The following CACNA2D3 variants were observed in gnomAD, a reference collection of about 807,000 sequenced individuals.
The protein encoded by CACNA2D3 is calcium voltage-gated channel auxiliary subunit alpha2delta 3.
A neutral mutation model predicts 160.6 loss-of-function variants in CACNA2D3; 60 were observed. That is an observed-to-expected ratio of 0.37 (90% confidence interval 0.30 to 0.46). CACNA2D3 has a LOEUF of 0.46. Among genes scored for constraint, CACNA2D3 ranks in the 20% least tolerant of loss-of-function variants. The probability of loss-of-function intolerance (pLI) is 1.00; values close to 1 mark genes in which losing one functional copy is unlikely to be tolerated. For synonymous variants in CACNA2D3, 558 were observed against 492.9 expected (o/e 1.13, Z -1.75); for missense variants, 1,205 against 1,365.0 (o/e 0.88, Z 1.85).
intron 13 of CACNA2D3, among the ~76,000 whole-genome samples, chr3:54,775,667 A>C (rs1041018806): frequency 6.6e-6 from 1 of 152,214 alleles, no homozygotes. Flanking sequence ...CAAAAATCAA[A>C]TTGAGAAAGT....
intron 31 of CACNA2D3, among the ~76,000 whole-genome samples, chr3:54,998,127 C>CTTT (rs752805359): frequency 1.3e-4 from 17 of 126,956 alleles, no homozygotes; most frequent in South Asian, 2.6e-4. Context: ...TCAATTAATT[C>CTTT]TTTTTTTTTT....
At chr3:54,566,644 G>C (rs1350608714) in intron 6 of CACNA2D3, among the ~76,000 whole-genome samples, 1 of 152,212 alleles carries the variant, frequency 6.6e-6, no homozygotes, top group African/African-American at 2.4e-5. Context: ...CAGGACATCA[G>C]TTAGGTTCAT....
chr3:54,965,016 A>G (rs1702116876), intron 27 of CACNA2D3, among the ~76,000 whole-genome samples: 1 of 152,104 alleles, frequency 6.6e-6, no homozygotes, highest in African/African-American at 2.4e-5. Flanking sequence ...CCACTTCGAT[A>G]CTAAAGACCT....
At chr3:54,306,919 A>T (rs1703615448) in intron 2 of CACNA2D3, among the ~76,000 whole-genome samples, 2 of 152,200 alleles carry the variant, frequency 1.3e-5, no homozygotes, top group East Asian at 3.9e-4. Context: ...ATAAAAACAC[A>T]GATTTCTGGC....
At chr3:54,940,282 T>G (rs1701434239) in intron 27 of CACNA2D3, among the ~76,000 whole-genome samples, 1 of 152,212 alleles carries the variant, frequency 6.6e-6, no homozygotes, top group South Asian at 2.1e-4. Context: ...GAAAGGAAGA[T>G]TTTTGAGTCA....
intron 11 of CACNA2D3, among the ~76,000 whole-genome samples, chr3:54,684,753 G>A (rs924355237): frequency 1.8e-4 from 8 of 44,536 alleles, no homozygotes; most frequent in African/African-American, 3.0e-4. Context: ...CGTTTGTCAT[G>A]TTAAAAAAAA....
At chr3:54,795,842 A>G (rs1056040016) in intron 13 of CACNA2D3, among the ~76,000 whole-genome samples, 2 of 152,218 alleles carry the variant, frequency 1.3e-5, no homozygotes, top group African/African-American at 2.4e-5. Context: ...GAGTTACTCT[A>G]TTTCATGATT....
intron 3 of CACNA2D3, among the ~76,000 whole-genome samples, chr3:54,350,968 G>GGTTTTTT (rs1698542647): frequency 1.8e-5 from 1 of 56,106 alleles, no homozygotes; most frequent in Non-Finnish European, 3.5e-5. Context: ...TCTTGAGTCT[G>GGTTTTTT]TTTTTTTTTT....
At chr3:54,376,706 G>T (rs751503517) in intron 3 of CACNA2D3, among the ~76,000 whole-genome samples, 5 of 152,222 alleles carry the variant, frequency 3.3e-5, no homozygotes, top group Admixed American at 6.5e-5. Flanking sequence ...ATCATCAGCA[G>T]CAGCAGCAAG....
chr3:54,392,916 G>C (rs1699306751), intron 4 of CACNA2D3, among the ~76,000 whole-genome samples: 1 of 152,222 alleles, frequency 6.6e-6, no homozygotes, highest in African/African-American at 2.4e-5. Flanking sequence ...CAGTGGGAGA[G>C]TGATGTCAAC....
At chr3:54,322,259 G>T (rs934121686) in intron 3 of CACNA2D3, among the ~76,000 whole-genome samples, 1 of 152,214 alleles carries the variant, frequency 6.6e-6, no homozygotes, top group Non-Finnish European at 1.5e-5. Context: ...TCTCAGTTCT[G>T]CCCCAAGGTG....
intron 29 of CACNA2D3, among the ~76,000 whole-genome samples, chr3:54,977,436 GC>G (rs1702415000): frequency 6.6e-6 from 1 of 152,034 alleles, no homozygotes; most frequent in Non-Finnish European, 1.5e-5. Context: ...TAATCTATTT[GC>G]CTTGTACCTG....
intron 3 of CACNA2D3, among the ~76,000 whole-genome samples, chr3:54,346,756 C>A (rs779497002): frequency 6.6e-6 from 1 of 152,140 alleles, no homozygotes; most frequent in African/African-American, 2.4e-5. Context: ...AGGGTTTTAA[C>A]AAGTGTGTAA....
chr3:54,199,953 CA>C (rs1220098055), intron 2 of CACNA2D3, among the ~76,000 whole-genome samples: 1 of 152,228 alleles, frequency 6.6e-6, no homozygotes, highest in African/African-American at 2.4e-5. Context: ...TATTGGAACA[CA>C]GCCTCTCATT....
chr3:54,265,509 A>G lies in CACNA2D3; in HGVS notation c.205-54933A>G, dbSNP rs143723264. ...TGTAACAAACCTGCACATTCTGCAC[A>G]TGTATCCCAGAACTTAAAGTATGTG... On this transcript the variant is annotated intron_variant, in intron 2 of 37. Coordinates refer to ENST00000474759, the MANE Select transcript of CACNA2D3 (RefSeq NM_018398.3). Among the ~76,000 whole-genome samples, 692 of 151,488 alleles carry G rather than the reference A, an allele frequency of 4.6e-3. 31 individuals carry two copies. In the East Asian group the frequency reaches 0.086, roughly 19 times the overall value.
At chr3:54,766,304 A>G (rs191742385) in intron 13 of CACNA2D3, among the ~76,000 whole-genome samples, 259 of 152,348 alleles carry the variant, frequency 1.7e-3, no homozygotes, top group Non-Finnish European at 2.7e-3. Flanking sequence ...AAATTGCTAT[A>G]GGAACAAAAT....
In CACNA2D3 at chr3:54,736,116, T is replaced by TAC. The variant is rs1553814533; in HGVS notation, c.1168-16482_1168-16481insCA. 4.3e-3 allele frequency among the ~76,000 whole-genome samples: 139 copies of TAC among 32,094 alleles called. 14 individuals carry two copies. The highest frequency in any genetic ancestry group is 5.0e-3 in the East Asian group (6 of 1,192). 21.1% of individuals were successfully genotyped at this position (32,094 alleles called of 152,430 possible). On this transcript the variant is annotated intron_variant, in intron 11 of 37. Transcript: ENST00000474759. ...ATATATATACATATATATGTATATA[T>TAC]ATACATATATATATGTATATATATA...
At chr3:54,854,075 G>A (rs1361745135) in intron 17 of CACNA2D3, among the ~76,000 whole-genome samples, 1 of 152,170 alleles carries the variant, frequency 6.6e-6, no homozygotes, top group Non-Finnish European at 1.5e-5. Flanking sequence ...TCTCAGAACA[G>A]AGCCCGGGCG....
intron 11 of CACNA2D3, among the ~76,000 whole-genome samples, chr3:54,659,784 C>T (rs551961114): frequency 2.0e-4 from 31 of 152,240 alleles, no homozygotes; most frequent in African/African-American, 4.3e-4. Flanking sequence ...TTTATCTCTG[C>T]GGTGTTTGTC....
Sources: allele counts gnomAD v4.1 joint callset (sites outside exome capture counted in the v4.1 genomes callset), GRCh38; gene constraint gnomAD v4.1.1; transcripts MANE v1.5; gene names NCBI Gene and HGNC (gene_info 2026-07-23, HGNC 2026-07-21).